BRINP3: variants seen among roughly 807,000 people sequenced by gnomAD.
BRINP3 encodes the protein BMP/retinoic acid-inducible neural-specific protein 3.
Under a neutral mutation model 71.0 loss-of-function variants are expected in BRINP3, and 19 were observed. The ratio of observed to expected loss-of-function variants is 0.27; its 90% CI spans 0.19 to 0.39. BRINP3 has a LOEUF of 0.39. BRINP3 is among the 10% of genes least tolerant of loss of function. BRINP3 has a pLI of 1.00. For missense variants in BRINP3, 959 were observed against 940.8 expected (o/e 1.02, Z -0.25); for synonymous variants, 380 against 337.7 (o/e 1.13, Z -1.37).
chr1:190,185,970 T>C (rs1246229074), intron 6 of BRINP3, among the ~76,000 whole-genome samples: 1 of 152,192 alleles, frequency 6.6e-6, no homozygotes, highest in African/African-American at 2.4e-5. Context: ...ATGAATACGC[T>C]AATTACTCTG....
At chr1:190,385,276 C>G (rs987841234) in intron 2 of BRINP3, among the ~76,000 whole-genome samples, 25 of 152,012 alleles carry the variant, frequency 1.6e-4, no homozygotes, top group Non-Finnish European at 3.2e-4. Context: ...AAGAAACTAC[C>G]ATCAGAGTGA....
intron 2 of BRINP3, among the ~76,000 whole-genome samples, chr1:190,314,776 C>A (rs952983797): frequency 6.6e-6 from 1 of 152,080 alleles, no homozygotes; most frequent in Non-Finnish European, 1.5e-5. Flanking sequence ...GCAATCAAAA[C>A]AAATCAAATC....
chr1:190,193,449 T>C (rs1654218995), intron 6 of BRINP3, among the ~76,000 whole-genome samples: 1 of 152,084 alleles, frequency 6.6e-6, no homozygotes, highest in South Asian at 2.1e-4. Flanking sequence ...GCCATGAGTA[T>C]AAAGAGAGTT....
At chr1:190,258,307 A>C in intron 4 of BRINP3, among the ~76,000 whole-genome samples, 1 of 152,220 alleles carries the variant, frequency 6.6e-6, no homozygotes, top group Non-Finnish European at 1.5e-5. Context: ...CACGGGATAT[A>C]ATCTGGTGTG....
At chr1:190,412,654 G>A (rs1672766118) in intron 2 of BRINP3, among the ~76,000 whole-genome samples, 1 of 150,674 alleles carries the variant, frequency 6.6e-6, no homozygotes, top group Non-Finnish European at 1.5e-5. Flanking sequence ...AGTAGAGACG[G>A]GGTTTCACCG....
chr1:190,140,244 C>T lies in BRINP3; in HGVS notation c.1184+20424G>A, dbSNP rs1050641895. Among the ~76,000 whole-genome samples the T allele has an allele frequency of 3.9e-5, 6 of 152,242 alleles. No homozygotes were observed. The South Asian group carries it at 1.2e-3, about 32-fold the overall frequency. On this transcript the variant is annotated intron_variant, in intron 7 of 7. Coordinates refer to ENST00000367462, the MANE Select transcript of BRINP3 (RefSeq NM_199051.3). ...AAATATTGTTCATGTTGAAGCGAAT[C>T]TATACAAACACTTTTCACTAACATT...
intron 6 of BRINP3, among the ~76,000 whole-genome samples, chr1:190,191,554 C>A (rs1179883034): frequency 1.3e-5 from 2 of 152,076 alleles, no homozygotes; most frequent in East Asian, 3.9e-4. Flanking sequence ...TGGCCTCCAG[C>A]TTCATCCATG....
At chr1:190,412,789 ACACT>A (rs1179082907) in intron 2 of BRINP3, among the ~76,000 whole-genome samples, 1 of 151,942 alleles carries the variant, frequency 6.6e-6, no homozygotes, top group East Asian at 1.9e-4. Context: ...TTTTTAAACC[ACACT>A]ATACATTTTT....
intron 2 of BRINP3, among the ~76,000 whole-genome samples, chr1:190,327,209 GA>G (rs1330456245): frequency 6.7e-6 from 1 of 150,104 alleles, no homozygotes; most frequent in Non-Finnish European, 1.5e-5. Flanking sequence ...CGGCTACTTG[GA>G]AGGCTGAGGT....
intron 2 of BRINP3, among the ~76,000 whole-genome samples, chr1:190,310,212 T>C (rs966218275): frequency 6.6e-6 from 1 of 151,552 alleles, no homozygotes; most frequent in Non-Finnish European, 1.5e-5. Context: ...GGATTATGTA[T>C]TGAATGCAAA....
chr1:190,139,467 A>AAG (rs1655251358), intron 7 of BRINP3, among the ~76,000 whole-genome samples: 1 of 150,418 alleles, frequency 6.6e-6, no homozygotes, highest in African/African-American at 2.5e-5. Flanking sequence ...AAAAAAAAAA[A>AAG]AAAGAAAGAA....
intron 2 of BRINP3, among the ~76,000 whole-genome samples, chr1:190,314,832 G>C (rs1210323544): frequency 6.6e-6 from 1 of 152,110 alleles, no homozygotes; most frequent in Non-Finnish European, 1.5e-5. Context: ...ATATAATATG[G>C]AGACTCTTGT....
chr1:190,131,219 A>G (rs1461948362), intron 7 of BRINP3, among the ~76,000 whole-genome samples: 1 of 151,186 alleles, frequency 6.6e-6, no homozygotes, highest in South Asian at 2.1e-4. Flanking sequence ...GCTAACTCCA[A>G]AAACGTGCTA....
chr1:190,322,618 C>T (rs747296935), intron 2 of BRINP3, among the ~76,000 whole-genome samples: 2 of 151,890 alleles, frequency 1.3e-5, no homozygotes, highest in African/African-American at 2.4e-5. Flanking sequence ...AAAATGAATC[C>T]GAGGACCAGA....
chr1:190,131,471 C>A (rs773951512), intron 7 of BRINP3, among the ~76,000 whole-genome samples: 3 of 151,976 alleles, frequency 2.0e-5, no homozygotes, highest in Non-Finnish European at 4.4e-5. Flanking sequence ...TCATGTTTTT[C>A]TAAAGGCTTC....
intron 2 of BRINP3, among the ~76,000 whole-genome samples, chr1:190,292,992 T>C (rs1231368875): frequency 3.3e-5 from 5 of 152,036 alleles, no homozygotes; most frequent in Non-Finnish European, 1.5e-5. Context: ...TTTTGATTTG[T>C]TGATCTTTTG....
At chr1:190,247,035 G>A (rs144987569) in intron 4 of BRINP3, among the ~76,000 whole-genome samples, 2,282 of 151,950 alleles carry the variant, frequency 0.015, 71 homozygotes, top group African/African-American at 0.051. Context: ...TTTAAGCTAT[G>A]AAGAATAACT....
At chr1:190,179,089 G>T (rs1652810290) in intron 6 of BRINP3, among the ~76,000 whole-genome samples, 2 of 152,032 alleles carry the variant, frequency 1.3e-5, no homozygotes, top group African/African-American at 4.8e-5. Context: ...AAGTAGATTT[G>T]CCAGGTGCAG....
intron 7 of BRINP3, among the ~76,000 whole-genome samples, chr1:190,150,256 GTGCATATCTA>G (rs1173986806): frequency 5.2e-5 from 7 of 134,772 alleles, no homozygotes; most frequent in Admixed American, 3.7e-4. Flanking sequence ...TGGTATATAT[GTGCATATCTA>G]TGTGTGTGTG....
Sources: gnomAD v4.1 joint callset for allele counts (sites outside exome capture counted in the v4.1 genomes callset) on GRCh38, gnomAD v4.1.1 for gene constraint, MANE v1.5 for transcripts, NCBI Gene and HGNC (gene_info 2026-07-23, HGNC 2026-07-21) for gene names.